The following PRMT9 variants were observed in gnomAD, a reference collection of about 807,000 sequenced individuals.
PRMT9 encodes the protein protein arginine N-methyltransferase 9.
Under a neutral mutation model 83.2 loss-of-function variants are expected in PRMT9, and 59 were observed. The ratio of observed to expected loss-of-function variants is 0.71; its 90% CI spans 0.57 to 0.88. The LOEUF (loss-of-function observed/expected upper bound fraction) is 0.88. Ranked by LOEUF, PRMT9 falls within the 40% of genes least tolerant of loss-of-function variation. The pLI, the probability that PRMT9 is intolerant of heterozygous loss-of-function variation, is 0.00. For synonymous variants in PRMT9, 333 were observed against 353.2 expected (o/e 0.94, Z 0.64); for missense variants, 947 against 1,021.9 (o/e 0.93, Z 1.00).
intron 6 of PRMT9, among the ~76,000 whole-genome samples, chr4:147,662,882 CCTTACCTCATCTCAG>C (rs1735064493): frequency 6.6e-6 from 1 of 152,102 alleles, no homozygotes; most frequent in Non-Finnish European, 1.5e-5. Flanking sequence ...CCTCATCTCA[CCTTACCTCATCTCAG>C]TGGCACTTTT....
chr4:147,676,617 T>G (rs1736090847), intron 2 of PRMT9, among the ~76,000 whole-genome samples: 1 of 152,188 alleles, frequency 6.6e-6, no homozygotes, highest in South Asian at 2.1e-4. Context: ...TATTTGTTTT[T>G]TAAAGGAGAA....
chr4:147,662,802 A>C (rs1735057176), intron 6 of PRMT9, among the ~76,000 whole-genome samples: 1 of 152,066 alleles, frequency 6.6e-6, no homozygotes, highest in Non-Finnish European at 1.5e-5. Context: ...CTGTCTCAAA[A>C]AAACAAAAAA....
rs2086500797 is a variant in PRMT9 at position 147,673,145 on chromosome 4, C to A, written c.576-19G>T. ...AAACATGCTACAAGGGAAAAAAGTT[C>A]TCCATCAAGAAAAAATAATCTACTG... On this transcript the variant is annotated intron_variant, in intron 3 of 11. Transcript: ENST00000322396. 4 of 1,612,442 alleles carry A rather than the reference C, an allele frequency of 2.5e-6. No individual in the cohort carries two copies. Among genetic ancestry groups the A allele is most frequent in the East Asian group, 2.2e-5 (1 of 44,798 alleles).
At chr4:147,641,702 C>T (rs567051971) in intron 10 of PRMT9, among the ~76,000 whole-genome samples, 1 of 152,272 alleles carries the variant, frequency 6.6e-6, no homozygotes, top group Non-Finnish European at 1.5e-5. Flanking sequence ...TACTCTATCA[C>T]CCAGGCTGGA....
chr4:147,658,256 A>T (rs942813154), intron 7 of PRMT9, among the ~76,000 whole-genome samples: 3 of 151,948 alleles, frequency 2.0e-5, no homozygotes, highest in African/African-American at 7.3e-5. Flanking sequence ...AGGTTAAGTG[A>T]CAAAGCAGTG....
intron 3 of PRMT9, 82 bp from the exon 4 acceptor site, chr4:147,673,208 T>C: frequency 7.7e-7 from 1 of 1,299,084 alleles, no homozygotes; most frequent in Non-Finnish European, 1.1e-6. Flanking sequence ...GATGCTAAAA[T>C]GTGGGGTTTT....
intron 4 of PRMT9, among the ~76,000 whole-genome samples, chr4:147,671,235 G>A (rs1578928657): frequency 6.6e-6 from 1 of 152,134 alleles, no homozygotes; most frequent in Non-Finnish European, 1.5e-5. Flanking sequence ...GCAGGAGAGA[G>A]CCCTCCTTCT....
intron 8 of PRMT9, among the ~76,000 whole-genome samples, chr4:147,656,309 G>A (rs1375022162): frequency 6.6e-6 from 1 of 152,052 alleles, no homozygotes; most frequent in African/African-American, 2.4e-5. Flanking sequence ...GCGTGTGTGT[G>A]TGTGTCAGGA....
chr4:147,654,523 A>T lies in PRMT9; in HGVS notation c.1374T>A (p.Ser458=). The T allele has an allele frequency of 1.2e-6, 2 of 1,613,764 alleles. No individual in the cohort carries two copies. The highest frequency in any genetic ancestry group is 1.7e-6 in the Non-Finnish European group (2 of 1,179,866). The part of the protein sequence containing the change: ...KPGDHVMMEV[S]CQDCYLRIQS... ...GGATTCTTAAGTAACAGTCTTGACAAGATACTTCCATCATCACATGGTCTC... is the reference window on the plus strand; with the variant it reads ...GGATTCTTAAGTAACAGTCTTGACATGATACTTCCATCATCACATGGTCTC... The change falls in exon 9 of 12, where the codon TCT becomes TCA. Residue 458 remains serine (S), a synonymous_variant. Transcript: ENST00000322396.
intron 4 of PRMT9, chr4:147,672,148 A>G: frequency 3.8e-6 from 1 of 261,916 alleles, no homozygotes; most frequent in South Asian, 3.9e-5. Flanking sequence ...ATTTGCATTA[A>G]TCTAATAGGA....
In PRMT9 at chr4:147,664,830, A is replaced by G. The variant is rs186419925; in HGVS notation, c.953+3709T>C. Among the ~76,000 whole-genome samples, 89 of 152,026 alleles carry G rather than the reference A, an allele frequency of 5.9e-4. No individual in the cohort carries two copies. The East Asian group carries it at 9.7e-3, about 17-fold the overall frequency. On this transcript the variant is annotated intron_variant, in intron 6 of 11. Coordinates refer to ENST00000322396, the MANE Select transcript of PRMT9 (RefSeq NM_138364.4). ...AAATTAAATTAAATTTTTTAAAAAA[A>G]CAGGCCGGGCACAGTGGCTCACACC...
intron 9 of PRMT9, 77 bp from the exon 10 acceptor site, chr4:147,643,017 TG>T: frequency 7.3e-7 from 1 of 1,373,956 alleles, no homozygotes; most frequent in East Asian, 2.3e-5. Flanking sequence ...CCTAGCACTT[TG>T]GGAGGCCAAG....
At chr4:147,661,504 A>G (rs949360955) in intron 6 of PRMT9, among the ~76,000 whole-genome samples, 10 of 152,036 alleles carry the variant, frequency 6.6e-5, no homozygotes, top group African/African-American at 2.4e-4. Context: ...TAAAATCACA[A>G]TGCAGGCCAG....
chr4:147,670,618 G>T (rs2036502), intron 5 of PRMT9, 23 bp downstream of exon 5: 1,370,897 of 1,376,792 alleles, frequency 1, 682,653 homozygotes, highest in East Asian at 1. Flanking sequence ...TTAATCAGTT[G>T]TAAGTATTTT....
At chr4:147,642,493 G>A (rs1160890925) in intron 10 of PRMT9, among the ~76,000 whole-genome samples, 1 of 147,520 alleles carries the variant, frequency 6.8e-6, no homozygotes, top group Non-Finnish European at 1.5e-5. Flanking sequence ...CACCCGCCTG[G>A]GCCTCCCAAA....
chr4:147,654,694 T>C lies in PRMT9; in HGVS notation c.1331-128A>G. The C allele has an allele frequency of 4.5e-6, 3 of 666,606 alleles. No individual in the cohort carries two copies. The South Asian group carries it at 5.4e-5, about 12-fold the overall frequency. The allele number at this position is 666,606 out of a possible 1,614,324, so 41.3% of individuals were successfully genotyped here. On this transcript the variant is annotated intron_variant, in intron 8 of 11. Coordinates refer to ENST00000322396, the MANE Select transcript of PRMT9 (RefSeq NM_138364.4). ...CTATAGAAAGGATTACAAATACTCA[T>C]TTAATATACAAAAAACTAGGAAAAC...
At chr4:147,664,036 G>A (rs1206573473) in intron 6 of PRMT9, among the ~76,000 whole-genome samples, 2 of 152,176 alleles carry the variant, frequency 1.3e-5, no homozygotes, top group Non-Finnish European at 2.9e-5. Flanking sequence ...AATGCAGGCA[G>A]GGCACAGTGG....
intron 9 of PRMT9, 79 bp downstream of exon 9, chr4:147,653,773 A>T: frequency 1.0e-6 from 1 of 979,944 alleles, no homozygotes. Context: ...CAGTTAAGCG[A>T]TTAAAGAACT....
At chr4:147,661,186 CACAT>C in intron 6 of PRMT9, 148 bp from the exon 7 acceptor site, 1 of 629,350 alleles carries the variant, frequency 1.6e-6, no homozygotes, top group Non-Finnish European at 2.8e-6. Context: ...ATAATACACA[CACAT>C]ATAAAACCAC....
Sources: allele counts gnomAD v4.1 joint callset (sites outside exome capture counted in the v4.1 genomes callset), GRCh38; gene constraint gnomAD v4.1.1; transcripts MANE v1.5; gene names NCBI Gene and HGNC (gene_info 2026-07-23, HGNC 2026-07-21).